Variants in DPYSL5 observed in about 807,000 individuals in gnomAD.
The protein encoded by DPYSL5 is dihydropyrimidinase like 5.
Under a neutral mutation model 58.4 loss-of-function variants are expected in DPYSL5, and 9 were observed. The ratio of observed to expected loss-of-function variants is 0.15; its 90% confidence interval spans 0.09 to 0.27. The LOEUF (loss-of-function observed/expected upper bound fraction) is 0.27. DPYSL5 is among the 10% of genes least tolerant of loss of function. The pLI, the probability that DPYSL5 is intolerant of heterozygous loss-of-function variation, is 1.00. For synonymous variants in DPYSL5, 293 were observed against 301.9 expected (o/e 0.97, Z 0.31); for missense variants, 499 against 770.6 (o/e 0.65, Z 4.17).
rs1179077114 is a variant in DPYSL5, at chr2:26,849,776, G to T, written c.-5+1522G>T. ...CTCCCTGCGGAACCTCCGGGCACGT[G>T]CTGGCTTTGGGGTTTTATGGGGGCC... On this transcript the variant is annotated intron_variant, in intron 1 of 12. Transcript: ENST00000288699. The surrounding 1 kb of genome is among the most constrained non-coding windows in gnomAD (Gnocchi z 6.2). Among the ~76,000 whole-genome samples the T allele has an allele frequency of 6.6e-6, 1 of 152,238 alleles. No homozygotes were observed. Among genetic ancestry groups the T allele is most frequent in the Non-Finnish European group, 1.5e-5 (1 of 68,032 alleles).
intron 1 of DPYSL5, among the ~76,000 whole-genome samples, chr2:26,883,500 G>A (rs1663626125): frequency 6.6e-6 from 1 of 152,312 alleles, no homozygotes; most frequent in South Asian, 2.1e-4. Context: ...CCGGGTTCAA[G>A]CAATTCTCCC....
chr2:26,899,856 A>T (rs1198555220), intron 2 of DPYSL5, among the ~76,000 whole-genome samples: 4 of 151,510 alleles, frequency 2.6e-5, no homozygotes, highest in Admixed American at 2.0e-4. Context: ...TGGTAGGCCG[A>T]CTCTCCTTGC....
chr2:26,867,601 G>A (rs898582622), intron 1 of DPYSL5, among the ~76,000 whole-genome samples: 2 of 150,572 alleles, frequency 1.3e-5, no homozygotes, highest in South Asian at 2.1e-4. Context: ...GACTACAGGC[G>A]CCCGCCACTA....
At position 26,924,811 on chromosome 2, in the gene DPYSL5, A is replaced by T; in HGVS notation, c.262-76A>T. 1 of 1,535,450 alleles carries T rather than the reference A, an allele frequency of 6.5e-7. No homozygotes were observed. The highest frequency in any genetic ancestry group is 8.8e-7 in the Non-Finnish European group (1 of 1,137,370). On this transcript the variant is annotated intron_variant, in intron 2 of 12. Coordinates refer to ENST00000288699, the MANE Select transcript of DPYSL5 (RefSeq NM_020134.4). This position sits in a 1 kb window ranked among gnomAD's most constrained non-coding sequence, Gnocchi z 4.7. ...AGGGCCTGTCTTTGAATGGACCATG[A>T]GGACCATGTCTCACCACATCATTGA...
At chr2:26,937,830 T>G (rs1009938670) in intron 8 of DPYSL5, among the ~76,000 whole-genome samples, 6 of 152,094 alleles carry the variant, frequency 3.9e-5, no homozygotes, top group Non-Finnish European at 7.4e-5. Flanking sequence ...CCTCCCAAAG[T>G]GCTGGGGTTA....
chr2:26,881,100 C>T (rs1039241644), intron 1 of DPYSL5, among the ~76,000 whole-genome samples: 1 of 152,182 alleles, frequency 6.6e-6, no homozygotes, highest in Non-Finnish European at 1.5e-5. Context: ...GAAAACGGGC[C>T]TGGGAGGACG....
At chr2:26,931,167 ATATGTGTG>A (rs1664967787) in intron 5 of DPYSL5, among the ~76,000 whole-genome samples, 1 of 54,374 alleles carries the variant, frequency 1.8e-5, no homozygotes, top group Non-Finnish European at 3.4e-5. Context: ...ATATATATAT[ATATGTGTG>A]TGTGTGTGTG....
chr2:26,944,853 ATGGGGGTCTGGGAGAAG>A lies in DPYSL5; in HGVS notation c.1609+33_1609+49del. The A allele has an allele frequency of 6.2e-7, 1 of 1,609,468 alleles. No individual in the cohort carries two copies. Among genetic ancestry groups the A allele is most frequent in the Admixed American group, 1.7e-5 (1 of 59,576 alleles). ...AGAGTCAGGGGGCCACGGGAGGAGG[ATGGGGGTCTGGGAGAAG>A]TGGCCCACCTAGGCAGTGGGACTTA... is the stretch of plus-strand genomic sequence containing the variant. On this transcript the variant is annotated intron_variant, in intron 12 of 12. Transcript: ENST00000288699. This position sits in a 1 kb window ranked among gnomAD's most constrained non-coding sequence, Gnocchi z 4.4.
chr2:26,949,450 A>G lies in DPYSL5; in HGVS notation c.*2455A>G, dbSNP rs530442398. 1.8e-3 allele frequency: 277 copies of G among 152,458 alleles called. No individual in the cohort carries two copies. Among genetic ancestry groups the G allele is most frequent in the African/African-American group, 6.4e-3 (267 of 41,560 alleles). 9.4% of individuals were successfully genotyped at this position (152,458 alleles called of 1,614,324 possible). ...CCCAGGCCTGGGAAAGCCACCAGGG[A>G]TGGGGGAAACCATGACGCCGCCTCC... On this transcript the variant is annotated 3_prime_UTR_variant, in exon 13 of 13. Transcript: ENST00000288699.
chr2:26,878,984 C>T (rs1572683417), intron 1 of DPYSL5, among the ~76,000 whole-genome samples: 1 of 152,370 alleles, frequency 6.6e-6, no homozygotes, highest in East Asian at 1.9e-4. Context: ...GTACCGGCAG[C>T]CCTTCCAGCT....
Position 26,848,884 on chromosome 2 carries a change from G to A in DPYSL5, c.-5+630G>A, listed in dbSNP as rs543117393. Among the ~76,000 whole-genome samples, 4 of 152,210 alleles carry A rather than the reference G, an allele frequency of 2.6e-5. No homozygotes were observed. The East Asian group carries it at 7.8e-4, about 30-fold the overall frequency. On this transcript the variant is annotated intron_variant, in intron 1 of 12. Coordinates refer to ENST00000288699, the MANE Select transcript of DPYSL5 (RefSeq NM_020134.4). ...GCCTCCTGCGGCTGCCCAGCCCGGAGCGGGCGCCGAGCCGGGTCCCTCGGC... is the reference window on the plus strand; with the variant it reads ...GCCTCCTGCGGCTGCCCAGCCCGGAACGGGCGCCGAGCCGGGTCCCTCGGC...
intron 2 of DPYSL5, among the ~76,000 whole-genome samples, chr2:26,906,202 T>G (rs78783301): frequency 1.2e-3 from 186 of 151,356 alleles, no homozygotes; most frequent in Non-Finnish European, 2.5e-3. Flanking sequence ...TTTTTTTTTT[T>G]GAGACAGAGT....
intron 1 of DPYSL5, among the ~76,000 whole-genome samples, chr2:26,879,304 T>C (rs1663492890): frequency 6.6e-6 from 1 of 152,078 alleles, no homozygotes; most frequent in Non-Finnish European, 1.5e-5. Flanking sequence ...AGAAGTTTCC[T>C]GGACATTCAA....
chr2:26,870,648 G>A (rs1663237938), intron 1 of DPYSL5, among the ~76,000 whole-genome samples: 1 of 151,136 alleles, frequency 6.6e-6, no homozygotes, highest in African/African-American at 2.4e-5. Flanking sequence ...TGAGGCTGCA[G>A]TGAGCTATGA....
At chr2:26,865,456 G>A (rs1415842193) in intron 1 of DPYSL5, among the ~76,000 whole-genome samples, 1 of 151,894 alleles carries the variant, frequency 6.6e-6, no homozygotes, top group Non-Finnish European at 1.5e-5. Context: ...GAGTAGCTGG[G>A]ATTACAGGCA....
chr2:26,905,836 A>T lies in DPYSL5; in HGVS notation c.261+7076A>T, dbSNP rs1044532344. Among the ~76,000 whole-genome samples, 1 of 152,170 alleles carries T rather than the reference A, an allele frequency of 6.6e-6. No individual in the cohort carries two copies. The highest frequency in any genetic ancestry group is 1.5e-5 in the Non-Finnish European group (1 of 68,030). ...CAGCAATTTAAAACACCCATTTATT[A>T]ACTCACAGTTCTGTAGGTAGAAATC... On this transcript the variant is annotated intron_variant, in intron 2 of 12. Transcript: ENST00000288699. The surrounding 1 kb of genome is among the most constrained non-coding windows in gnomAD (Gnocchi z 4.0).
intron 1 of DPYSL5, among the ~76,000 whole-genome samples, chr2:26,885,394 C>A (rs1457418342): frequency 6.6e-6 from 1 of 152,128 alleles, no homozygotes; most frequent in African/African-American, 2.4e-5. Context: ...CCGATTCTAC[C>A]TTCTCTCCAG....
In DPYSL5 at chr2:26,942,174, T is replaced by A; in HGVS notation, c.1232+82T>A. On this transcript the variant is annotated intron_variant, in intron 10 of 12. Transcript: ENST00000288699. The surrounding 1 kb of genome is among the most constrained non-coding windows in gnomAD (Gnocchi z 5.9). ...TGCATTACAGATCTCCAAAAGCATA[T>A]AATTTTGCACTATTTCTAGCACAAA... The A allele has an allele frequency of 4.4e-6, 7 of 1,578,064 alleles. No homozygotes were observed. In the African/African-American group the frequency reaches 6.8e-5, roughly 15 times the overall value.
intron 2 of DPYSL5, among the ~76,000 whole-genome samples, chr2:26,912,614 C>T (rs1245108397): frequency 6.6e-6 from 1 of 152,208 alleles, no homozygotes. Context: ...TTCCCTATGC[C>T]ACACAGCTCC....
Sources: gnomAD v4.1 joint callset for allele counts (sites outside exome capture counted in the v4.1 genomes callset) on GRCh38, gnomAD v4.1.1 for gene constraint, Gnocchi (gnomAD v3.1) non-coding constraint, MANE v1.5 for transcripts, NCBI Gene and HGNC (gene_info 2026-07-23, HGNC 2026-07-21) for gene names.